The following NFAT5 variants were observed in gnomAD, a reference collection of about 807,000 sequenced individuals.
NFAT5 encodes nuclear factor of activated T cells 5.
Under a neutral mutation model 166.5 loss-of-function variants are expected in NFAT5, and 31 were observed. The ratio of observed to expected loss-of-function variants is 0.19; its 90% CI spans 0.14 to 0.25. The LOEUF is 0.25. Ranked by LOEUF, NFAT5 falls within the 10% of genes least tolerant of loss-of-function variation. The pLI is 1.00. For synonymous variants in NFAT5, 612 were observed against 639.7 expected, an observed-to-expected ratio of 0.96 and a Z score of 0.65; for missense variants, 1,449 against 1,821.8, an observed-to-expected ratio of 0.80 and a Z score of 3.72.
chr16:69,680,614 C>T (rs922863974), intron 10 of NFAT5, among the ~76,000 whole-genome samples: 3 of 152,186 alleles, frequency 2.0e-5, no homozygotes, highest in African/African-American at 7.2e-5. Flanking sequence ...TTGTATGTTA[C>T]AGATAGCAAT....
intron 7 of NFAT5, among the ~76,000 whole-genome samples, chr16:69,663,356 A>G (rs536316244): frequency 8.5e-5 from 13 of 152,192 alleles, no homozygotes; most frequent in African/African-American, 2.9e-4. Context: ...AACATCTTTC[A>G]TGTTCTCCAG....
At chr16:69,578,462 A>G (rs2031444128) in intron 2 of NFAT5, among the ~76,000 whole-genome samples, 1 of 152,254 alleles carries the variant, frequency 6.6e-6, no homozygotes. Flanking sequence ...TGCTTTTATT[A>G]GCAATTCAAT....
chr16:69,618,091 G>A (rs1255338077), intron 2 of NFAT5, among the ~76,000 whole-genome samples: 2 of 150,940 alleles, frequency 1.3e-5, no homozygotes, highest in African/African-American at 4.9e-5. Context: ...CGGGGAGGTG[G>A]AGGTTGCGGT....
At chr16:69,695,435 C>T in intron 14 of NFAT5, 56 bp downstream of exon 14, 1 of 1,264,608 alleles carries the variant, frequency 7.9e-7, no homozygotes, top group South Asian at 1.3e-5. Flanking sequence ...TTCTTCTTAA[C>T]AGATTTAGGT....
At position 69,566,095 on chromosome 16, in the gene NFAT5, C is replaced by T. The variant is rs1402053122; in HGVS notation, c.-207C>T. 1 of 537,762 alleles carries T rather than the reference C, an allele frequency of 1.9e-6. No homozygotes were observed. Among genetic ancestry groups the T allele is most frequent in the African/African-American group, 2.1e-5 (1 of 48,686 alleles). The allele number at this position is 537,762 out of a possible 1,614,324, so 33.3% of individuals were successfully genotyped here. ...AACCCCTCTCCTGGTCACCGAGAAT[C>T]AGTCCCCGTGGAGTTCCCCCTCCAC... On this transcript the variant is annotated 5_prime_UTR_variant, in exon 1 of 15. Coordinates refer to ENST00000349945, the MANE Select transcript of NFAT5 (RefSeq NM_138713.4). The surrounding 1 kb of genome is among the most constrained non-coding windows in gnomAD (Gnocchi z 5.7).
At position 69,695,283 on chromosome 16, in the gene NFAT5, C is replaced by T; in HGVS notation, c.4562C>T (p.Ser1521Phe). 1 of 1,614,168 alleles carries T rather than the reference C, an allele frequency of 6.2e-7. No homozygotes were observed. The highest frequency in any genetic ancestry group is 8.5e-7 in the Non-Finnish European group (1 of 1,180,016). ...QQMPENSPLA[S>F]SINTNQNIEK... ...ATGCCAGAGAATTCTCCACTGGCAT[C>T]CTCTATAAACACCAACCAGAACATC... is the stretch of plus-strand genomic sequence containing the variant. The change falls in exon 14 of 15, where the codon TCC (serine) becomes TTC (phenylalanine). Residue 1521 changes from serine to phenylalanine, a missense_variant. Physicochemically the swap from Ser to Phe is radical, Grantham distance 155. Around this residue, in one of 7 missense-constraint regions of NFAT5, gnomAD observed 891 missense variants for 993.0 expected, o/e 0.90. Transcript: ENST00000349945.
chr16:69,694,390 G>C, intron 13 of NFAT5, 151 bp downstream of exon 13: 1 of 642,306 alleles, frequency 1.6e-6, no homozygotes. Context: ...AAGCAGCTGG[G>C]ATTACAGGTG....
rs1261705947 is a variant in NFAT5, at chr16:69,608,103, C to CGGT, written c.128-18300_128-18299insGGT. Among the ~76,000 whole-genome samples, 211 of 151,888 alleles carry CGGT rather than the reference C, an allele frequency of 1.4e-3. 1 individual carries two copies. Among genetic ancestry groups the CGGT allele is most frequent in the African/African-American group, 4.2e-3 (172 of 41,418 alleles). On this transcript the variant is annotated intron_variant, in intron 2 of 14. Coordinates refer to ENST00000349945, the MANE Select transcript of NFAT5 (RefSeq NM_138713.4). ...GTCACGGTGGCTCACGCCTGTAATC[C>CGGT]CAGCACTTTGGGAGGCCAAAGTGGG...
At chr16:69,615,423 G>C (rs1316930175) in intron 2 of NFAT5, among the ~76,000 whole-genome samples, 2 of 152,030 alleles carry the variant, frequency 1.3e-5, no homozygotes, top group African/African-American at 4.8e-5. Context: ...GACATTCCAG[G>C]TTCATCTTGT....
intron 3 of NFAT5, among the ~76,000 whole-genome samples, chr16:69,643,172 C>A (rs555829270): frequency 6.7e-6 from 1 of 148,958 alleles, no homozygotes; most frequent in Admixed American, 6.8e-5. Context: ...GAGCCGAGAT[C>A]GCGCCACTGC....
intron 10 of NFAT5, among the ~76,000 whole-genome samples, chr16:69,679,777 C>T (rs554850920): frequency 6.6e-6 from 1 of 152,130 alleles, no homozygotes; most frequent in Non-Finnish European, 1.5e-5. Context: ...TTATTGTTTC[C>T]TTTCTAGGAA....
intron 2 of NFAT5, among the ~76,000 whole-genome samples, chr16:69,573,189 G>A (rs1202323129): frequency 3.3e-5 from 5 of 152,028 alleles, no homozygotes; most frequent in Non-Finnish European, 7.4e-5. Flanking sequence ...ATTTTTAAAA[G>A]AAAATGTGAA....
At chr16:69,694,705 A>G (rs1434728408) in intron 13 of NFAT5, among the ~76,000 whole-genome samples, 3 of 152,228 alleles carry the variant, frequency 2.0e-5, no homozygotes, top group Non-Finnish European at 4.4e-5. Context: ...TTTGGGGAGG[A>G]TTAAATATGG....
chr16:69,664,169 T>C (rs1391800791), intron 7 of NFAT5, among the ~76,000 whole-genome samples: 1 of 152,228 alleles, frequency 6.6e-6, no homozygotes, highest in Admixed American at 6.5e-5. Flanking sequence ...CTCTAAAATA[T>C]TCTGTTAACT....
chr16:69,607,294 G>T (rs2033462361), intron 2 of NFAT5, among the ~76,000 whole-genome samples: 1 of 152,098 alleles, frequency 6.6e-6, no homozygotes, highest in African/African-American at 2.4e-5. Flanking sequence ...AACAATATTG[G>T]TATACTGACA....
In NFAT5 at chr16:69,579,804, C is replaced by G. The variant is rs913382462; in HGVS notation, c.127+11256C>G. Among the ~76,000 whole-genome samples the G allele has an allele frequency of 6.6e-5, 10 of 152,162 alleles. 1 individual carries two copies. Among genetic ancestry groups the G allele is most frequent in the African/African-American group, 2.4e-4 (10 of 41,440 alleles). The stretch of plus-strand genomic sequence containing the variant: ...TGTAAATAAAAACCCAGTTCAAAAA[C>G]ATGCATTACTAACTGGCTGTGTGAT... On this transcript the variant is annotated intron_variant, in intron 2 of 14. Transcript: ENST00000349945.
intron 5 of NFAT5, 44 bp from the exon 6 acceptor site, chr16:69,655,565 T>G (rs1292092064): frequency 7.3e-7 from 1 of 1,364,232 alleles, no homozygotes; most frequent in African/African-American, 1.5e-5. Flanking sequence ...TTAGATTATT[T>G]GAAATACTAA....
At chr16:69,691,192 T>C in intron 12 of NFAT5, 104 bp downstream of exon 12, 1 of 1,106,526 alleles carries the variant, frequency 9.0e-7, no homozygotes. Flanking sequence ...ACTTAATGAA[T>C]TTTGCTGTAA....
At chr16:69,630,240 A>T (rs1037872437) in intron 3 of NFAT5, among the ~76,000 whole-genome samples, 2 of 151,858 alleles carry the variant, frequency 1.3e-5, no homozygotes, top group Admixed American at 1.3e-4. Flanking sequence ...TTCTCCAGGG[A>T]TGGTCTCGAA....
Sources: gnomAD v4.1 joint callset for allele counts (sites outside exome capture counted in the v4.1 genomes callset) on GRCh38, gnomAD v4.1.1 for gene constraint, gnomAD v4.1.1 regional missense constraint, Gnocchi (gnomAD v3.1) non-coding constraint, MANE v1.5 for transcripts, NCBI Gene and HGNC (gene_info 2026-07-23, HGNC 2026-07-21) for gene names.